GRID2: variants seen among roughly 807,000 people sequenced by gnomAD.
The protein encoded by GRID2 is glutamate ionotropic receptor delta type subunit 2.
GRID2 carries 33 observed loss-of-function variants against 114.8 expected under a neutral mutation model. That is an observed-to-expected ratio of 0.29 (90% CI 0.22 to 0.38). The LOEUF is 0.38. Among genes scored for constraint, GRID2 ranks in the 10% least tolerant of loss-of-function variants. GRID2 has a pLI of 1.00. For missense variants in GRID2, 1,184 were observed against 1,257.7 expected (o/e 0.94, Z 0.89); for synonymous variants, 505 against 449.9 (o/e 1.12, Z -1.55).
chr4:93,362,203 G>A (rs941638281), intron 8 of GRID2, among the ~76,000 whole-genome samples: 3 of 152,048 alleles, frequency 2.0e-5, no homozygotes, highest in African/African-American at 7.2e-5. Flanking sequence ...ATTTTCCTGT[G>A]AGCCTGTGCC....
intron 8 of GRID2, among the ~76,000 whole-genome samples, chr4:93,268,102 CT>C (rs921630058): frequency 1.3e-5 from 2 of 152,278 alleles, no homozygotes; most frequent in South Asian, 4.1e-4. Flanking sequence ...TGCCCATTTT[CT>C]TTTTTCTGTT....
rs72887660 is a variant in GRID2 at position 93,131,825 on chromosome 4, T to C, written c.735+20872T>C. Among the ~76,000 whole-genome samples, 1,110 of 152,252 alleles carry C rather than the reference T, an allele frequency of 7.3e-3. 18 individuals carry two copies. Among genetic ancestry groups the C allele is most frequent in the African/African-American group, 0.025 (1,055 of 41,550 alleles). On this transcript the variant is annotated intron_variant, in intron 4 of 15. Coordinates refer to ENST00000282020, the MANE Select transcript of GRID2 (RefSeq NM_001510.4). Reference sequence around the variant, plus strand: ...ATTTGAGACATTCAGTTCTCATCTCTGCACAAATGGATCTGTTTTTTCTTT... The same window carrying C: ...ATTTGAGACATTCAGTTCTCATCTCCGCACAAATGGATCTGTTTTTTCTTT...
chr4:93,240,541 A>G lies in GRID2; in HGVS notation c.1245+2051A>G, dbSNP rs142487528. ...AGTGTTTTATCATTTAATTTTTGCC[A>G]GTTTTGTTTTCTTCTCTGTGGATTT... On this transcript the variant is annotated intron_variant, in intron 8 of 15. Coordinates refer to ENST00000282020, the MANE Select transcript of GRID2 (RefSeq NM_001510.4). Among the ~76,000 whole-genome samples the G allele has an allele frequency of 7.4e-3, 1,089 of 147,656 alleles. 10 individuals carry two copies. Among genetic ancestry groups the G allele is most frequent in the African/African-American group, 0.025 (1,029 of 40,452 alleles).
intron 8 of GRID2, among the ~76,000 whole-genome samples, chr4:93,346,407 A>T (rs906252011): frequency 6.6e-6 from 1 of 152,132 alleles, no homozygotes; most frequent in South Asian, 2.1e-4. Flanking sequence ...TCAGCACAAT[A>T]CTCCAAAACA....
intron 1 of GRID2, among the ~76,000 whole-genome samples, chr4:92,558,778 C>T (rs1051453533): frequency 2.1e-5 from 3 of 143,668 alleles, no homozygotes; most frequent in Non-Finnish European, 3.2e-5. Flanking sequence ...CTGAGCTTTG[C>T]ACCAAGGGCA....
chr4:93,786,680 A>G (rs1401061753), intron 1 of GRID2, among the ~76,000 whole-genome samples: 1 of 152,260 alleles, frequency 6.6e-6, no homozygotes, highest in Admixed American at 6.5e-5. Context: ...GTGAGAGGTC[A>G]GAAATTTAAG....
Position 92,590,058 on chromosome 4 carries a change from C to T in GRID2, c.89-73C>T. Reference sequence around the variant, plus strand: ...ATATGTTTTTTAAACACATAAGTCTCCTTGTCATATTTCCAGAGGGGATGA... The same window carrying T: ...ATATGTTTTTTAAACACATAAGTCTTCTTGTCATATTTCCAGAGGGGATGA... On this transcript the variant is annotated intron_variant, in intron 1 of 15. Transcript: ENST00000282020. 10 of 1,010,504 alleles carry T rather than the reference C, an allele frequency of 9.9e-6. No individual in the cohort carries two copies. In the South Asian group the frequency reaches 1.3e-4, roughly 13 times the overall value. The allele number at this position is 1,010,504 out of a possible 1,614,324, so 62.6% of individuals were successfully genotyped here.
At chr4:93,314,640 A>AC (rs1218547962) in intron 8 of GRID2, among the ~76,000 whole-genome samples, 2 of 151,928 alleles carry the variant, frequency 1.3e-5, no homozygotes, top group East Asian at 3.9e-4. Context: ...TAGTACAACT[A>AC]CCCCTCTCCT....
At chr4:93,353,819 AC>A (rs1271890307) in intron 8 of GRID2, among the ~76,000 whole-genome samples, 2 of 152,034 alleles carry the variant, frequency 1.3e-5, no homozygotes, top group Non-Finnish European at 2.9e-5. Flanking sequence ...AGCAGTAGGC[AC>A]TATTTTACTC....
At chr4:93,747,014 C>T (rs953734339) in intron 14 of GRID2, among the ~76,000 whole-genome samples, 5 of 151,864 alleles carry the variant, frequency 3.3e-5, no homozygotes, top group African/African-American at 1.2e-4. Flanking sequence ...TATTCCAAAG[C>T]TACATCTAGC....
rs572592296 is a variant in GRID2, at chr4:92,729,507, G to C, written c.244+139221G>C. The stretch of plus-strand genomic sequence containing the variant: ...ATAACATTTCAAAGTCACTTCTATG[G>C]GATAAGAAGCATGTTTTGCTTTGTT... On this transcript the variant is annotated intron_variant, in intron 2 of 15. Transcript: ENST00000282020. Among the ~76,000 whole-genome samples, 6 of 151,952 alleles carry C rather than the reference G, an allele frequency of 3.9e-5. No individual in the cohort carries two copies. In the South Asian group the frequency reaches 1.2e-3, roughly 32 times the overall value.
intron 15 of GRID2, among the ~76,000 whole-genome samples, 153 bp downstream of exon 15, chr4:93,769,603 T>C (rs908194139): frequency 6.6e-6 from 1 of 152,198 alleles, no homozygotes; most frequent in Non-Finnish European, 1.5e-5. Flanking sequence ...TAAAAATTGG[T>C]AAGATCAATA....
intron 4 of GRID2, among the ~76,000 whole-genome samples, chr4:93,125,029 T>C (rs2149367057): frequency 6.6e-6 from 1 of 152,208 alleles, no homozygotes; most frequent in East Asian, 1.9e-4. Context: ...AATACTTTAG[T>C]CTGGGTTTTT....
intron 2 of GRID2, among the ~76,000 whole-genome samples, chr4:92,814,838 G>A (rs1173384975): frequency 2.0e-5 from 3 of 152,070 alleles, no homozygotes; most frequent in Non-Finnish European, 2.9e-5. Context: ...TTCTATAGGA[G>A]CCAGGTATTA....
intron 1 of GRID2, among the ~76,000 whole-genome samples, chr4:92,549,696 T>G (rs2149171482): frequency 6.6e-6 from 1 of 152,302 alleles, no homozygotes; most frequent in South Asian, 2.1e-4. Context: ...AGGGCTAAGA[T>G]TCACAGTTTA....
intron 3 of GRID2, among the ~76,000 whole-genome samples, chr4:93,095,225 A>C (rs1483013738): frequency 1.3e-5 from 2 of 151,956 alleles, no homozygotes; most frequent in Non-Finnish European, 2.9e-5. Context: ...TGTTGCGCCC[A>C]TCGACCCATC....
At chr4:93,156,983 A>T (rs1737242196) in intron 4 of GRID2, among the ~76,000 whole-genome samples, 1 of 151,818 alleles carries the variant, frequency 6.6e-6, no homozygotes, top group Admixed American at 6.6e-5. Context: ...CATCATATAA[A>T]GTAGCCCCTG....
intron 2 of GRID2, among the ~76,000 whole-genome samples, chr4:92,631,414 G>C (rs1398058024): frequency 1.3e-5 from 2 of 151,946 alleles, no homozygotes; most frequent in African/African-American, 4.8e-5. Context: ...TAACAGGTTA[G>C]GTTCTATTAT....
chr4:92,605,529 G>A (rs573088385), intron 2 of GRID2, among the ~76,000 whole-genome samples: 95 of 152,184 alleles, frequency 6.2e-4, no homozygotes, highest in African/African-American at 2.1e-3. Flanking sequence ...CAGGTAGAAT[G>A]TGTATGATTT....
Sources: gnomAD v4.1 joint callset for allele counts (sites outside exome capture counted in the v4.1 genomes callset) on GRCh38, gnomAD v4.1.1 for gene constraint, MANE v1.5 for transcripts, NCBI Gene and HGNC (gene_info 2026-07-23, HGNC 2026-07-21) for gene names.